Variants in AUTS2 observed in about 807,000 individuals in gnomAD.
The protein encoded by AUTS2 is autism susceptibility gene 2 protein.
Under a neutral mutation model 112.4 loss-of-function variants are expected in AUTS2, and 17 were observed. The ratio of observed to expected loss-of-function variants is 0.15; its 90% confidence interval spans 0.10 to 0.23. The LOEUF (loss-of-function observed/expected upper bound fraction) is 0.23. Ranked by LOEUF, AUTS2 falls within the 10% of genes least tolerant of loss-of-function variation. The pLI is 1.00. For missense variants in AUTS2, 1,510 were observed against 1,701.6 expected (o/e 0.89, Z 1.98); for synonymous variants, 751 against 702.7 (o/e 1.07, Z -1.09).
intron 1 of AUTS2, among the ~76,000 whole-genome samples, chr7:69,876,176 C>A (rs1005145866): frequency 6.7e-6 from 1 of 149,940 alleles, no homozygotes; most frequent in Non-Finnish European, 1.5e-5. Context: ...ACCATCCTAA[C>A]GAACACGGTG....
chr7:70,647,168 T>G (rs1320602328), intron 5 of AUTS2, among the ~76,000 whole-genome samples: 1 of 152,208 alleles, frequency 6.6e-6, no homozygotes, highest in Non-Finnish European at 1.5e-5. Context: ...CCCCCTGAGC[T>G]GATATAAAGG....
At chr7:70,134,314 T>C (rs1207152594) in intron 3 of AUTS2, among the ~76,000 whole-genome samples, 3 of 152,120 alleles carry the variant, frequency 2.0e-5, no homozygotes, top group Non-Finnish European at 4.4e-5. Flanking sequence ...AGCTTGGAAT[T>C]CAGTAAATAG....
chr7:69,701,807 C>T (rs1375127834), intron 1 of AUTS2, among the ~76,000 whole-genome samples: 4 of 152,190 alleles, frequency 2.6e-5, no homozygotes, highest in Non-Finnish European at 5.9e-5. Flanking sequence ...AATAGGTTAT[C>T]TGATTCTCCC....
intron 2 of AUTS2, among the ~76,000 whole-genome samples, chr7:69,986,373 T>A (rs1355976015): frequency 6.6e-6 from 1 of 152,238 alleles, no homozygotes; most frequent in East Asian, 1.9e-4. Flanking sequence ...AAAATTTAGA[T>A]AAGTTGAATT....
intron 5 of AUTS2, among the ~76,000 whole-genome samples, chr7:70,622,184 A>C (rs1264389168): frequency 6.6e-6 from 1 of 151,958 alleles, no homozygotes; most frequent in African/African-American, 2.4e-5. Context: ...TCCTCTGGCT[A>C]TTCTTGGAGC....
chr7:69,670,593 C>G (rs1026448303), intron 1 of AUTS2, among the ~76,000 whole-genome samples: 1 of 109,352 alleles, frequency 9.1e-6, no homozygotes, highest in African/African-American at 3.8e-5. Context: ...AAAAAAAAAG[C>G]AGCTGGGTAC....
chr7:70,732,454 TG>T (rs1478803384), intron 6 of AUTS2, among the ~76,000 whole-genome samples: 1 of 152,202 alleles, frequency 6.6e-6, no homozygotes, highest in African/African-American at 2.4e-5. Context: ...CCGAGGTTCC[TG>T]GGTTGACCTG....
chr7:70,407,019 G>A (rs1266284092), intron 4 of AUTS2, among the ~76,000 whole-genome samples: 2 of 152,196 alleles, frequency 1.3e-5, no homozygotes, highest in East Asian at 3.8e-4. Flanking sequence ...TCCTGCATAT[G>A]CCAAAAACTG....
At chr7:69,981,930 A>C (rs1259948446) in intron 2 of AUTS2, among the ~76,000 whole-genome samples, 1 of 152,122 alleles carries the variant, frequency 6.6e-6, no homozygotes, top group Non-Finnish European at 1.5e-5. Flanking sequence ...ATCTTCTCTT[A>C]GTTTCACAAG....
Position 70,343,893 on chromosome 7 carries a change from A to G in AUTS2, c.661-91859A>G, listed in dbSNP as rs549056368. On this transcript the variant is annotated intron_variant, in intron 4 of 18. Transcript: ENST00000342771. ...GGTGTGTAACTGTGAGTGCTGGGAA[A>G]TGAAACAAAAGGCAGCCCTACCTCA... Among the ~76,000 whole-genome samples the G allele has an allele frequency of 4.6e-5, 7 of 152,264 alleles. No individual in the cohort carries two copies. The South Asian group carries it at 1.2e-3, about 27-fold the overall frequency.
At position 69,792,232 on chromosome 7, in the gene AUTS2, G is replaced by GTT. The variant is rs148860619; in HGVS notation, c.310-107045_310-107044dup. On this transcript the variant is annotated intron_variant, in intron 1 of 18. Coordinates refer to ENST00000342771, the MANE Select transcript of AUTS2 (RefSeq NM_015570.4). ...CTATAGGCAAACACGTTAAGTTGTTGTTTTTTTTTTGTTTTGTTTTTTTTT... is the reference window on the plus strand; with the variant it reads ...CTATAGGCAAACACGTTAAGTTGTTGTTTTTTTTTTTTGTTTTGTTTTTTTTT... Among the ~76,000 whole-genome samples the GTT allele has an allele frequency of 4.2e-3, 610 of 146,766 alleles. 4 individuals carry two copies. Among genetic ancestry groups the GTT allele is most frequent in the Non-Finnish European group, 5.8e-3 (385 of 66,614 alleles).
intron 2 of AUTS2, among the ~76,000 whole-genome samples, chr7:70,023,944 G>A (rs369712182): frequency 2.0e-5 from 3 of 152,182 alleles, no homozygotes; most frequent in African/African-American, 7.2e-5. Flanking sequence ...CTTGATTAGA[G>A]GGAGGTTTAT....
intron 4 of AUTS2, among the ~76,000 whole-genome samples, chr7:70,203,162 G>T (rs927413542): frequency 7.9e-6 from 1 of 126,804 alleles, no homozygotes; most frequent in African/African-American, 3.1e-5. Flanking sequence ...CATGGACACA[G>T]GAAGGGGAAT....
intron 4 of AUTS2, among the ~76,000 whole-genome samples, chr7:70,321,247 G>A (rs774047306): frequency 1.2e-4 from 18 of 152,158 alleles, no homozygotes; most frequent in Non-Finnish European, 2.1e-4. Context: ...ACTGTAACAC[G>A]TTTACTCTTA....
chr7:69,745,535 A>G (rs1245091882), intron 1 of AUTS2, among the ~76,000 whole-genome samples: 3 of 152,188 alleles, frequency 2.0e-5, no homozygotes, highest in Non-Finnish European at 2.9e-5. Flanking sequence ...TCTTCTCATT[A>G]CGTCTGCAAG....
chr7:69,887,520 T>TA (rs1179250273), intron 1 of AUTS2, among the ~76,000 whole-genome samples: 2 of 152,210 alleles, frequency 1.3e-5, no homozygotes, highest in Non-Finnish European at 2.9e-5. Context: ...ACTTATCACT[T>TA]ACGGTAACTA....
At chr7:70,704,747 C>A (rs1809647616) in intron 6 of AUTS2, among the ~76,000 whole-genome samples, 1 of 152,196 alleles carries the variant, frequency 6.6e-6, no homozygotes, top group Admixed American at 6.5e-5. Context: ...ATGGAGGAAG[C>A]CCGTGGCTAG....
chr7:70,059,983 A>C (rs184203850), intron 2 of AUTS2, among the ~76,000 whole-genome samples: 1 of 152,292 alleles, frequency 6.6e-6, no homozygotes, highest in Admixed American at 6.5e-5. Flanking sequence ...CTTTAGACTA[A>C]ATTTTTTCTA....
Position 70,790,112 on chromosome 7 carries a change from A to C in AUTS2, c.2896A>C (p.Lys966Gln). ...CTCGAGCCGGGAGGCCGAGCCGCGC[A>C]AGGGTGAGCCGGCCTACGAGAACCC... ...STSSREAEPRKGEPAYENPKK... is the reference protein window; with the variant it reads ...STSSREAEPRQGEPAYENPKK... Residue 966 changes from lysine (K) to glutamine (Q), a missense_variant, in exon 19 of 19, where the codon AAG becomes CAG. Lys to Gln is a moderately conservative substitution (Grantham distance 53). Transcript: ENST00000342771. The surrounding 1 kb of genome is among the most constrained non-coding windows in gnomAD (Gnocchi z 7.6). 6.3e-7 allele frequency: 1 copy of C among 1,598,662 alleles called. No homozygotes were observed. The highest frequency in any genetic ancestry group is 8.5e-7 in the Non-Finnish European group (1 of 1,173,872).
Sources: gnomAD v4.1 joint callset for allele counts (sites outside exome capture counted in the v4.1 genomes callset) on GRCh38, gnomAD v4.1.1 for gene constraint, Gnocchi (gnomAD v3.1) non-coding constraint, MANE v1.5 for transcripts, NCBI Gene and HGNC (gene_info 2026-07-23, HGNC 2026-07-21) for gene names.